The following SARDH variants were observed in gnomAD, a reference collection of about 807,000 sequenced individuals.
SARDH encodes the protein sarcosine dehydrogenase, mitochondrial.
SARDH carries 95 observed loss-of-function variants against 109.1 expected under a neutral mutation model. The ratio of observed to expected loss-of-function variants is 0.87; its 90% CI spans 0.74 to 1.03. The LOEUF is 1.03. Ranked by LOEUF, SARDH falls within the 50% of genes least tolerant of loss-of-function variation. SARDH has a pLI of 0.00. For missense variants in SARDH, 1,267 were observed against 1,287.8 expected (o/e 0.98, Z 0.25); for synonymous variants, 572 against 534.8 (o/e 1.07, Z -0.96).
At chr9:133,665,279 A>G (rs1028941310) in intron 20 of SARDH, among the ~76,000 whole-genome samples, 3 of 152,176 alleles carry the variant, frequency 2.0e-5, no homozygotes, top group African/African-American at 7.2e-5. Flanking sequence ...GGCGAGCATT[A>G]CTGTTCTTTG....
downstream of SARDH, among the ~76,000 whole-genome samples, chr9:133,660,161 G>A (rs76645578): frequency 0.012 from 1,744 of 149,780 alleles, 27 homozygotes; most frequent in African/African-American, 0.04. Context: ...AGCAGTACCC[G>A]CACCTCCTAC....
rs386739173 is a variant in SARDH at position 133,676,106 on chromosome 9, ACAC to A, written c.2164-4412_2164-4410del. Among the ~76,000 whole-genome samples the A allele has an allele frequency of 2.1e-3, 323 of 150,698 alleles. 7 individuals are homozygous for A. Among genetic ancestry groups the A allele is most frequent in the African/African-American group, 7.5e-3 (309 of 40,976 alleles). On this transcript the variant is annotated intron_variant, in intron 17 of 20. Coordinates refer to ENST00000439388, the MANE Select transcript of SARDH (RefSeq NM_001134707.2). ...ACCCTGTCTGAAATTAAAAAAAAAA[ACAC>A]ACACCAAAAACAGATGATGAACAGA... is the stretch of plus-strand genomic sequence containing the variant.
intron 17 of SARDH, among the ~76,000 whole-genome samples, chr9:133,676,255 A>C (rs1004614006): frequency 6.6e-6 from 1 of 152,244 alleles, no homozygotes; most frequent in Admixed American, 6.5e-5. Flanking sequence ...GAAGGGAGCC[A>C]GTCACAGAAG....
chr9:133,732,677 T>C, intron 2 of SARDH, 76 bp from the exon 3 acceptor site: 1 of 1,452,812 alleles, frequency 6.9e-7, no homozygotes, highest in South Asian at 1.3e-5. Context: ...TATCAGGGGA[T>C]ACCCTGATAT....
At chr9:133,735,645 G>T (rs571750477) in intron 1 of SARDH, among the ~76,000 whole-genome samples, 1 of 152,314 alleles carries the variant, frequency 6.6e-6, no homozygotes, top group African/African-American at 2.4e-5. Context: ...CTGCAGTAGG[G>T]CCTTTCCCCT....
chr9:133,671,154 T>A (rs576750531), intron 18 of SARDH, among the ~76,000 whole-genome samples: 1 of 152,178 alleles, frequency 6.6e-6, no homozygotes, highest in East Asian at 1.9e-4. Flanking sequence ...CTGGGCTTCT[T>A]CCAGAGGCCA....
rs915793177 is a variant in SARDH, at chr9:133,692,863, G to A, written c.1921+1395C>T. Among the ~76,000 whole-genome samples, 2 of 152,162 alleles carry A rather than the reference G, an allele frequency of 1.3e-5. No homozygotes were observed. The highest frequency in any genetic ancestry group is 4.8e-5 in the African/African-American group (2 of 41,426). ...CTCAGCCTCCACGTCGCCAACGGCA[G>A]GAGGGAAGGGGTGGGCGAGCTCTGC... On this transcript the variant is annotated intron_variant, in intron 15 of 20. Coordinates refer to ENST00000439388, the MANE Select transcript of SARDH (RefSeq NM_001134707.2). This position sits in a 1 kb window ranked among gnomAD's most constrained non-coding sequence, Gnocchi z 5.0.
chr9:133,708,377 G>C lies in SARDH; in HGVS notation c.1380C>G (p.Ser460Arg). The change falls in exon 11 of 21, where the codon AGC becomes AGG. Residue 460 changes from serine to arginine, a missense_variant. Coordinates refer to ENST00000439388, the MANE Select transcript of SARDH (RefSeq NM_001134707.2). The part of the protein sequence containing the change: ...TDHPRWIRER[S>R]HESYAKNYSV... The stretch of plus-strand genomic sequence containing the variant: ...AGTAGTTCTTGGCGTAGGACTCATG[G>C]CTTCGCTCTCGGATCCAGCGGGGGT... 1.9e-6 allele frequency: 3 copies of C among 1,613,128 alleles called. No individual in the cohort carries two copies. The highest frequency in any genetic ancestry group is 2.5e-6 in the Non-Finnish European group (3 of 1,179,718).
Position 133,696,360 on chromosome 9 carries a change from A to G in SARDH, c.1670T>C (p.Ile557Thr). The G allele has an allele frequency of 1.2e-6, 2 of 1,613,994 alleles. No individual in the cohort carries two copies. The highest frequency in any genetic ancestry group is 1.7e-6 in the Non-Finnish European group (2 of 1,180,026). Residue 557 changes from isoleucine to threonine, a missense_variant and splice_region_variant, in exon 14 of 21, where the codon ATC (isoleucine) becomes ACC (threonine). Ile to Thr is a moderately conservative substitution (Grantham distance 89, BLOSUM62 -1). Coordinates refer to ENST00000439388, the MANE Select transcript of SARDH (RefSeq NM_001134707.2). ...TFAFPPHHDT[I>T]KKECLACRGA... ...TCTGCAGGCCAGGCACTCCTTCTTG[A>G]TCTGAAAAGTTCCAGACAGGTGGGA... is the stretch of plus-strand genomic sequence containing the variant.
chr9:133,677,013 C>T (rs1380503762), intron 17 of SARDH, among the ~76,000 whole-genome samples: 1 of 152,070 alleles, frequency 6.6e-6, no homozygotes, highest in Admixed American at 6.6e-5. Context: ...GTGATGGGCA[C>T]CTTTAGTCCC....
intron 8 of SARDH, among the ~76,000 whole-genome samples, chr9:133,715,008 A>C (rs1436336064): frequency 6.6e-6 from 1 of 152,190 alleles, no homozygotes; most frequent in Non-Finnish European, 1.5e-5. Flanking sequence ...TAACCCGAGG[A>C]CACATGGGAC....
At chr9:133,689,463 G>A (rs1416341714) in intron 16 of SARDH, among the ~76,000 whole-genome samples, 1 of 152,072 alleles carries the variant, frequency 6.6e-6, no homozygotes, top group Non-Finnish European at 1.5e-5. Context: ...TCTCACAGAG[G>A]ATTTTTAACT....
At chr9:133,662,507 T>C (rs917221766), downstream of SARDH, among the ~76,000 whole-genome samples, 8 of 152,116 alleles carry the variant, frequency 5.3e-5, no homozygotes, top group Non-Finnish European at 4.4e-5. This position sits in a 1 kb window ranked among gnomAD's most constrained non-coding sequence, Gnocchi z 5.1. Context: ...TCCTTCAGCC[T>C]GAAGCGTGTG....
At chr9:133,722,738 C>T (rs1832371195) in intron 6 of SARDH, among the ~76,000 whole-genome samples, 1 of 151,498 alleles carries the variant, frequency 6.6e-6, no homozygotes, top group South Asian at 2.1e-4. Context: ...GCAGTGGTGC[C>T]ATCTCAACTC....
rs528694940 is a variant in SARDH at position 133,709,234 on chromosome 9, C to T, written c.1329-806G>A. Among the ~76,000 whole-genome samples, 1 of 152,300 alleles carries T rather than the reference C, an allele frequency of 6.6e-6. No homozygotes were observed. Among genetic ancestry groups the T allele is most frequent in the Admixed American group, 6.5e-5 (1 of 15,312 alleles). On this transcript the variant is annotated intron_variant, in intron 10 of 20. Transcript: ENST00000439388. The surrounding 1 kb of genome is among the most constrained non-coding windows in gnomAD (Gnocchi z 4.2). ...CCCCATGCTATTTCTCATGGAGCTA[C>T]GGAGCTCTGTGGCTGCACCTGCGGC...
At position 133,686,931 on chromosome 9, in the gene SARDH, C is replaced by T. The variant is rs139488352; in HGVS notation, c.2070-1645G>A. 1.1e-3 allele frequency among the ~76,000 whole-genome samples: 161 copies of T among 152,236 alleles called. 1 individual carries two copies. The highest frequency in any genetic ancestry group is 5.2e-3 in the South Asian group (25 of 4,814). On this transcript the variant is annotated intron_variant, in intron 16 of 20. Transcript: ENST00000439388. This position sits in a 1 kb window ranked among gnomAD's most constrained non-coding sequence, Gnocchi z 4.0. ...GCTCTCTGCAGCCTTGAGTGGCAGC[C>T]GCACGGAAGGGACCCTGGGGCAGAA...
chr9:133,719,980 G>A (rs1372250892), intron 6 of SARDH, among the ~76,000 whole-genome samples: 16 of 152,046 alleles, frequency 1.1e-4, no homozygotes, highest in East Asian at 1.9e-4. Flanking sequence ...GCGTGGTGGC[G>A]GGCGCCTGTA....
chr9:133,661,760 C>T (rs750914115), downstream of SARDH, among the ~76,000 whole-genome samples: 1 of 152,164 alleles, frequency 6.6e-6, no homozygotes, highest in Admixed American at 6.5e-5. Flanking sequence ...GGATTACAGG[C>T]GTCAGTCACT....
chr9:133,677,912 G>C (rs1417378192), intron 17 of SARDH, among the ~76,000 whole-genome samples: 1 of 152,248 alleles, frequency 6.6e-6, no homozygotes, highest in Non-Finnish European at 1.5e-5. Flanking sequence ...GAGATCATGT[G>C]GGGCGGGGCT....
Sources: allele counts gnomAD v4.1 joint callset (sites outside exome capture counted in the v4.1 genomes callset), GRCh38; gene constraint gnomAD v4.1.1; non-coding constraint Gnocchi (gnomAD v3.1); transcripts MANE v1.5; gene names NCBI Gene and HGNC (gene_info 2026-07-23, HGNC 2026-07-21).